The following ARHGAP28 variants were observed in gnomAD, a reference collection of about 807,000 sequenced individuals.
ARHGAP28 encodes the protein Rho GTPase activating protein 28, also known as rho GTPase-activating protein 28.
Under a neutral mutation model 90.7 loss-of-function variants are expected in ARHGAP28, and 56 were observed. The ratio of observed to expected loss-of-function variants is 0.62; its 90% CI spans 0.50 to 0.77. ARHGAP28 has a LOEUF of 0.77. Among genes scored for constraint, ARHGAP28 ranks in the 30% least tolerant of loss-of-function variants. The probability of loss-of-function intolerance (pLI) is 0.00; values close to 1 mark genes in which losing one functional copy is unlikely to be tolerated. For synonymous variants in ARHGAP28, 308 were observed against 323.3 expected (o/e 0.95, Z 0.51); for missense variants, 869 against 900.9 (o/e 0.96, Z 0.45).
At chr18:6,831,471 G>GTTTTTTTTTTTTTTTTTTTTTTTT (rs57331018) in intron 2 of ARHGAP28, among the ~76,000 whole-genome samples, 4 of 109,306 alleles carry the variant, frequency 3.7e-5, no homozygotes, top group African/African-American at 1.0e-4. Context: ...GTATCTTGAT[G>GTTTTTTTTTTTTTTTTTTTTTTTT]TTTTTTTTTT....
rs1192468699 is a variant in ARHGAP28 at position 6,765,329 on chromosome 18, TC to T, written c.122+35387del. ...ATTCAATTTCTTTAATAAATATGGG[TC>T]GATCTCATTTCTTCTTCTGTCAGTT... On this transcript the variant is annotated intron_variant, in intron 1 of 17. Transcript: ENST00000383472. Among the ~76,000 whole-genome samples, 18 of 152,306 alleles carry T rather than the reference TC, an allele frequency of 1.2e-4. 1 individual carries two copies. Among genetic ancestry groups the T allele is most frequent in the African/African-American group, 4.1e-4 (17 of 41,574 alleles).
intron 1 of ARHGAP28, among the ~76,000 whole-genome samples, chr18:6,801,186 G>C (rs1165115826): frequency 1.3e-5 from 2 of 152,106 alleles, no homozygotes; most frequent in Non-Finnish European, 2.9e-5. Context: ...TATGGTGTGT[G>C]GTATGAAGTA....
intron 16 of ARHGAP28, among the ~76,000 whole-genome samples, chr18:6,907,370 C>G (rs1405458571): frequency 6.9e-6 from 1 of 144,842 alleles, no homozygotes; most frequent in Non-Finnish European, 1.5e-5. Flanking sequence ...CTGATAGCAG[C>G]TTTATTTGTA....
chr18:6,763,864 C>G (rs1306677338), intron 1 of ARHGAP28, among the ~76,000 whole-genome samples: 2 of 152,154 alleles, frequency 1.3e-5, no homozygotes, highest in Non-Finnish European at 2.9e-5. Context: ...CTGAGCTTCT[C>G]CCTCTTCTCT....
Position 6,828,367 on chromosome 18 carries a change from GGA to G in ARHGAP28, c.325+3407_325+3408del, listed in dbSNP as rs1276202184. Among the ~76,000 whole-genome samples, 15 of 151,834 alleles carry G rather than the reference GGA, an allele frequency of 9.9e-5. 1 individual carries two copies. Among genetic ancestry groups the G allele is most frequent in the Admixed American group, 7.2e-4 (11 of 15,280 alleles). On this transcript the variant is annotated intron_variant, in intron 2 of 17. Transcript: ENST00000383472. The stretch of plus-strand genomic sequence containing the variant: ...AAAGAGAGGGAGAGGGAGACCGTGG[GGA>G]GAGGGAGAGACAGAGGAGGAGAGAG...
chr18:6,761,970 T>G (rs1210808925), intron 1 of ARHGAP28, among the ~76,000 whole-genome samples: 4 of 152,228 alleles, frequency 2.6e-5, no homozygotes, highest in African/African-American at 9.6e-5. Flanking sequence ...ACCAGCGGTC[T>G]ACAGGCAGTT....
At chr18:6,862,550 G>A (rs767270977) in intron 5 of ARHGAP28, among the ~76,000 whole-genome samples, 6 of 152,194 alleles carry the variant, frequency 3.9e-5, no homozygotes, top group African/African-American at 7.2e-5. Context: ...CAGGTTTGCA[G>A]ATGTCTGTCT....
chr18:6,749,185 T>G (rs2056048680), intron 1 of ARHGAP28, among the ~76,000 whole-genome samples: 1 of 152,190 alleles, frequency 6.6e-6, no homozygotes, highest in African/African-American at 2.4e-5. Flanking sequence ...TGTTTGTATG[T>G]TATCCATTCA....
chr18:6,885,102 A>G (rs1333239989), intron 11 of ARHGAP28, among the ~76,000 whole-genome samples: 1 of 152,236 alleles, frequency 6.6e-6, no homozygotes, highest in Non-Finnish European at 1.5e-5. Flanking sequence ...ATGCTGTATC[A>G]TCATTACTGC....
chr18:6,877,280 C>T (rs141833066), intron 10 of ARHGAP28, among the ~76,000 whole-genome samples: 4 of 152,210 alleles, frequency 2.6e-5, no homozygotes, highest in East Asian at 1.9e-4. Flanking sequence ...GGGTGAGGAG[C>T]GGAGGAGAGT....
chr18:6,781,625 G>A (rs1487953518), intron 1 of ARHGAP28, among the ~76,000 whole-genome samples: 1 of 152,126 alleles, frequency 6.6e-6, no homozygotes, highest in Non-Finnish European at 1.5e-5. Flanking sequence ...GAAGCAGGAA[G>A]CAAGTGTCTT....
chr18:6,769,775 T>A (rs1449024415), intron 1 of ARHGAP28, among the ~76,000 whole-genome samples: 1 of 152,244 alleles, frequency 6.6e-6, no homozygotes, highest in Non-Finnish European at 1.5e-5. Context: ...CTTCGTAGTT[T>A]ATGAATTGAT....
At chr18:6,910,720 A>T (rs1468416256) in intron 17 of ARHGAP28, among the ~76,000 whole-genome samples, 1 of 152,062 alleles carries the variant, frequency 6.6e-6, no homozygotes, top group Non-Finnish European at 1.5e-5. Flanking sequence ...CTGCTCTTAG[A>T]CATGGCTGTA....
chr18:6,758,840 A>G (rs535071921), intron 1 of ARHGAP28, among the ~76,000 whole-genome samples: 1 of 152,306 alleles, frequency 6.6e-6, no homozygotes, highest in East Asian at 1.9e-4. Context: ...GAGAAGATCA[A>G]AGGCAAATCA....
At chr18:6,894,064 T>G (rs892717844) in intron 14 of ARHGAP28, among the ~76,000 whole-genome samples, 1 of 152,106 alleles carries the variant, frequency 6.6e-6, no homozygotes, top group Non-Finnish European at 1.5e-5. Context: ...AGACGGGGTT[T>G]CACCGTGTTA....
intron 4 of ARHGAP28, 130 bp downstream of exon 4, chr18:6,851,256 T>C (rs2056908933): frequency 2.6e-6 from 2 of 783,070 alleles, no homozygotes; most frequent in Admixed American, 2.6e-5. Context: ...AACACACTTA[T>C]CTACCTTAGG....
intron 1 of ARHGAP28, among the ~76,000 whole-genome samples, chr18:6,739,921 G>A (rs2055961677): frequency 6.8e-6 from 1 of 146,520 alleles, no homozygotes; most frequent in African/African-American, 2.5e-5. Context: ...ATGGTGCAAT[G>A]TTGGCTCACC....
intron 16 of ARHGAP28, 108 bp from the exon 17 acceptor site, chr18:6,908,852 A>G (rs1279524868): frequency 2.2e-5 from 15 of 693,424 alleles, no homozygotes; most frequent in Non-Finnish European, 3.6e-5. Context: ...TGTGGGACAC[A>G]TTTCGTCAAG....
intron 3 of ARHGAP28, among the ~76,000 whole-genome samples, chr18:6,840,199 T>C (rs901877055): frequency 1.3e-5 from 2 of 152,166 alleles, no homozygotes; most frequent in Non-Finnish European, 2.9e-5. Flanking sequence ...AAAACAAAAA[T>C]TCCCTGGGTT....
Sources: gnomAD v4.1 joint callset for allele counts (sites outside exome capture counted in the v4.1 genomes callset) on GRCh38, gnomAD v4.1.1 for gene constraint, MANE v1.5 for transcripts, NCBI Gene and HGNC (gene_info 2026-07-23, HGNC 2026-07-21) for gene names.